PCDHGA2: variants seen among roughly 807,000 people sequenced by gnomAD.
PCDHGA2 encodes protocadherin gamma subfamily A, 2, also known as protocadherin gamma-A2.
Under a neutral mutation model 59.2 loss-of-function variants are expected in PCDHGA2, and 40 were observed. The observed-to-expected ratio is 0.68, with a 90% confidence interval of 0.52 to 0.88. PCDHGA2 has a LOEUF of 0.88. Ranked by LOEUF, PCDHGA2 falls within the 40% of genes least tolerant of loss-of-function variation. PCDHGA2 has a pLI of 0.00. For synonymous variants in PCDHGA2, 560 were observed against 526.0 expected, an observed-to-expected ratio of 1.06 and a Z score of -0.89; for missense variants, 1,226 against 1,204.0, an observed-to-expected ratio of 1.02 and a Z score of -0.27.
At position 141,477,868 on chromosome 5, in the gene PCDHGA2, C is replaced by G; in HGVS notation, c.2425-16939C>G. Reference sequence around the variant, plus strand: ...CGGTGGAGATGCTGCCTCGAGGTACCTCAGCTGGCCACCTAGTGTCACGGG... The same window carrying G: ...CGGTGGAGATGCTGCCTCGAGGTACGTCAGCTGGCCACCTAGTGTCACGGG... On this transcript the variant is annotated intron_variant, in intron 1 of 3. Coordinates refer to ENST00000394576, the MANE Select transcript of PCDHGA2 (RefSeq NM_018915.4). The surrounding 1 kb of genome is among the most constrained non-coding windows in gnomAD (Gnocchi z 4.9). 1 of 1,613,750 alleles carries G rather than the reference C, an allele frequency of 6.2e-7. No individual in the cohort carries two copies. Among genetic ancestry groups the G allele is most frequent in the Non-Finnish European group, 8.5e-7 (1 of 1,179,908 alleles).
chr5:141,344,683 G>C, intron 1 of PCDHGA2: 2 of 1,613,978 alleles, frequency 1.2e-6, no homozygotes, highest in Non-Finnish European at 1.7e-6. Context: ...GCCTCTGATG[G>C]TGGCGACCCT....
At chr5:141,382,998 C>G in intron 1 of PCDHGA2, 2 of 1,613,740 alleles carry the variant, frequency 1.2e-6, no homozygotes, top group Non-Finnish European at 1.7e-6. Context: ...GTATTCTCTA[C>G]TCCGTGTCGG....
intron 1 of PCDHGA2, among the ~76,000 whole-genome samples, chr5:141,467,441 T>C (rs919148544): frequency 6.6e-6 from 1 of 152,340 alleles, no homozygotes; most frequent in African/African-American, 2.4e-5. Context: ...CATTCATTAC[T>C]TTTTTCTTCC....
chr5:141,351,408 A>C (rs754223398), intron 1 of PCDHGA2: 2 of 1,611,512 alleles, frequency 1.2e-6, no homozygotes, highest in South Asian at 2.2e-5. Context: ...TGCTATACTC[A>C]GGAAGAAGTT....
chr5:141,418,804 T>A, intron 1 of PCDHGA2: 2 of 1,613,836 alleles, frequency 1.2e-6, no homozygotes, highest in Non-Finnish European at 1.7e-6. Flanking sequence ...TAGAAAGATA[T>A]ACGATAAACA....
intron 1 of PCDHGA2, among the ~76,000 whole-genome samples, chr5:141,474,142 T>G (rs2099344082): frequency 6.6e-6 from 1 of 152,212 alleles, no homozygotes; most frequent in African/African-American, 2.4e-5. Flanking sequence ...ACAGGCCTTA[T>G]TATCAAGAAA....
rs926566427 is a variant in PCDHGA2, at chr5:141,505,127, A to T, written c.2484-266A>T. Among the ~76,000 whole-genome samples, 9 of 152,158 alleles carry T rather than the reference A, an allele frequency of 5.9e-5. No homozygotes were observed. The East Asian group carries it at 1.5e-3, about 26-fold the overall frequency. The stretch of plus-strand genomic sequence containing the variant: ...CAATGAGCCAAGATCGCGCCACTGC[A>T]CTCCAGCCTGGATGACAGAGTAAGA... On this transcript the variant is annotated intron_variant, in intron 2 of 3. Transcript: ENST00000394576.
At chr5:141,410,914 C>T (rs1399369063) in intron 1 of PCDHGA2, 4 of 246,122 alleles carry the variant, frequency 1.6e-5, no homozygotes, top group Admixed American at 6.8e-5. Context: ...AGTGCAGTGG[C>T]GTGATCTCTG....
intron 1 of PCDHGA2, chr5:141,408,375 T>C: frequency 6.2e-7 from 1 of 1,613,972 alleles, no homozygotes; most frequent in Non-Finnish European, 8.5e-7. Context: ...GGGCTCAGTG[T>C]CCTGGATGTG....
intron 1 of PCDHGA2, among the ~76,000 whole-genome samples, chr5:141,429,545 G>T (rs1200824675): frequency 6.6e-6 from 1 of 151,844 alleles, no homozygotes; most frequent in East Asian, 1.9e-4. Context: ...TAAGAACATG[G>T]TAATGATTTG....
At position 141,493,223 on chromosome 5, in the gene PCDHGA2, A is replaced by G. The variant is rs2099747083; in HGVS notation, c.2425-1584A>G. Among the ~76,000 whole-genome samples, 1 of 152,142 alleles carries G rather than the reference A, an allele frequency of 6.6e-6. No homozygotes were observed. The highest frequency in any genetic ancestry group is 6.6e-5 in the Admixed American group (1 of 15,262). On this transcript the variant is annotated intron_variant, in intron 1 of 3. Transcript: ENST00000394576. The surrounding 1 kb of genome is among the most constrained non-coding windows in gnomAD (Gnocchi z 4.3). ...CCTCATCTCATTTGCTCTTCCCACC[A>G]TTGCTGTTGGCTAGGTACTAACATG...
At chr5:141,471,217 T>G (rs2099252724) in intron 1 of PCDHGA2, 1 of 151,568 alleles carries the variant, frequency 6.6e-6, no homozygotes, top group South Asian at 2.1e-4. Context: ...GCCTGGCAAT[T>G]TTTTTGTATT....
chr5:141,417,618 G>C, intron 1 of PCDHGA2: 3 of 654,348 alleles, frequency 4.6e-6, no homozygotes, highest in Non-Finnish European at 7.4e-6. Flanking sequence ...CCAGTGCAGA[G>C]CAAGCGCTGA....
At chr5:141,480,398 G>C (rs2099518275) in intron 1 of PCDHGA2, among the ~76,000 whole-genome samples, 1 of 149,050 alleles carries the variant, frequency 6.7e-6, no homozygotes, top group Non-Finnish European at 1.5e-5. Context: ...CATGGCAATA[G>C]AGTGAGACCC....
chr5:141,378,499 G>A (rs1220046096), intron 1 of PCDHGA2: 1 of 152,084 alleles, frequency 6.6e-6, no homozygotes, highest in Non-Finnish European at 1.5e-5. Context: ...CTCCAGTCTG[G>A]GTGACAGAGC....
rs1161697588 is a variant in PCDHGA2, at chr5:141,491,464, T to C, written c.2425-3343T>C. 7 of 1,613,982 alleles carry C rather than the reference T, an allele frequency of 4.3e-6. No homozygotes were observed. In the African/African-American group the frequency reaches 9.3e-5, roughly 22 times the overall value. On this transcript the variant is annotated intron_variant, in intron 1 of 3. Transcript: ENST00000394576. This position sits in a 1 kb window ranked among gnomAD's most constrained non-coding sequence, Gnocchi z 6.9. ...CCAGGACTCACCCTCCCCGGACTTCTATAAGCAGTCCAGCCCCAACCTGCA... is the reference window on the plus strand; with the variant it reads ...CCAGGACTCACCCTCCCCGGACTTCCATAAGCAGTCCAGCCCCAACCTGCA...
At position 141,431,270 on chromosome 5, in the gene PCDHGA2, G is replaced by C. The variant is rs369177310; in HGVS notation, c.2425-63537G>C. 1.2e-5 allele frequency: 19 copies of C among 1,613,996 alleles called. No homozygotes were observed. Among genetic ancestry groups the C allele is most frequent in the Non-Finnish European group, 1.5e-5 (18 of 1,180,018 alleles). ...CGGGAAGAACTCTCTGCAGAGCTAC[G>C]AGCTCAGCCCGAACACTCACTTCTC... is the stretch of plus-strand genomic sequence containing the variant. On this transcript the variant is annotated intron_variant, in intron 1 of 3. Coordinates refer to ENST00000394576, the MANE Select transcript of PCDHGA2 (RefSeq NM_018915.4). This position sits in a 1 kb window ranked among gnomAD's most constrained non-coding sequence, Gnocchi z 4.8.
At chr5:141,401,935 T>C (rs1026278615) in intron 1 of PCDHGA2, among the ~76,000 whole-genome samples, 4 of 152,240 alleles carry the variant, frequency 2.6e-5, no homozygotes, top group African/African-American at 9.6e-5. Flanking sequence ...CTTAGAATAA[T>C]GTTTAAGACC....
At chr5:141,423,761 TG>T in intron 1 of PCDHGA2, 1 of 156,420 alleles carries the variant, frequency 6.4e-6, no homozygotes, top group Non-Finnish European at 9.2e-6. Context: ...GGGGGGGGGG[TG>T]GGGCGGCATA....
Sources: gnomAD v4.1 joint callset for allele counts (sites outside exome capture counted in the v4.1 genomes callset) on GRCh38, gnomAD v4.1.1 for gene constraint, Gnocchi (gnomAD v3.1) non-coding constraint, MANE v1.5 for transcripts, NCBI Gene and HGNC (gene_info 2026-07-23, HGNC 2026-07-21) for gene names.